The following LOXHD1 variants were observed in gnomAD, a reference collection of about 807,000 sequenced individuals.
LOXHD1 encodes lipoxygenase homology PLAT domains 1.
Under a neutral mutation model 248.2 loss-of-function variants are expected in LOXHD1, and 205 were observed. The observed-to-expected ratio is 0.83, with a 90% CI of 0.74 to 0.93. The LOEUF is 0.93. LOXHD1 is among the 40% of genes least tolerant of loss of function. The pLI is 0.00. For synonymous variants in LOXHD1, 1,113 were observed against 1,162.8 expected (o/e 0.96, Z 0.87); for missense variants, 2,930 against 2,971.6 (o/e 0.99, Z 0.33).
intron 6 of LOXHD1, among the ~76,000 whole-genome samples, chr18:46,604,563 A>G: frequency 6.6e-6 from 1 of 152,222 alleles, no homozygotes; most frequent in East Asian, 1.9e-4. Flanking sequence ...CTGGATTTGC[A>G]AACTGTGACA....
chr18:46,593,458 T>C, intron 10 of LOXHD1, 142 bp downstream of exon 10: 1 of 850,926 alleles, frequency 1.2e-6, no homozygotes, highest in Non-Finnish European at 1.8e-6. Flanking sequence ...TTGTCTCCCT[T>C]TGCAGGGACC....
rs2144084701 is a variant in LOXHD1 at position 46,518,176 on chromosome 18, G to C, written c.5352C>G (p.Gly1784=). ...GCATCTCCTCTGTGCTCCCGTTGATGCCGTAGAGGGTCATGAAGATGTTGG... is the reference window on the plus strand; with the variant it reads ...GCATCTCCTCTGTGCTCCCGTTGATCCCGTAGAGGGTCATGAAGATGTTGG... ...TDSNIFMTLY[G]INGSTEEMQL... Residue 1784 remains glycine (G), a synonymous_variant, in exon 34 of 41, where the codon GGC becomes GGG. Coordinates refer to ENST00000642948, the MANE Select transcript of LOXHD1 (RefSeq NM_001384474.1). 1 of 1,551,650 alleles carries C rather than the reference G, an allele frequency of 6.4e-7. No homozygotes were observed. Among genetic ancestry groups the C allele is most frequent in the Non-Finnish European group, 8.7e-7 (1 of 1,146,984 alleles).
In LOXHD1 at chr18:46,524,869, T is replaced by C; in HGVS notation, c.4579A>G (p.Ile1527Val). The C allele has an allele frequency of 1.3e-6, 2 of 1,551,720 alleles. No individual in the cohort carries two copies. Among genetic ancestry groups the C allele is most frequent in the Non-Finnish European group, 1.7e-6 (2 of 1,147,000 alleles). Reference protein sequence around the residue: ...EAADLGVIYKIKLRHDNSKWC... With the variant: ...EAADLGVIYKVKLRHDNSKWC... ...TTGGAGTTGTCATGGCGGAGCTTGA[T>C]CTTGTAGATGACGCCTAGGTCAGCG... The change falls in exon 30 of 41, where the codon ATC becomes GTC. Residue 1527 changes from isoleucine (I) to valine (V), a missense_variant. Coordinates refer to ENST00000642948, the MANE Select transcript of LOXHD1 (RefSeq NM_001384474.1).
chr18:46,579,882 T>C (rs2037930934), intron 12 of LOXHD1, 98 bp from the exon 13 acceptor site: 2 of 1,399,170 alleles, frequency 1.4e-6, no homozygotes, highest in Non-Finnish European at 1.9e-6. Flanking sequence ...CTCCTCTCCT[T>C]CTAGTTCTCA....
intron 25 of LOXHD1, among the ~76,000 whole-genome samples, chr18:46,540,663 T>C (rs1347552001): frequency 6.9e-6 from 1 of 144,972 alleles, no homozygotes; most frequent in African/African-American, 2.5e-5. Flanking sequence ...TCTTTTTTTT[T>C]TTTTTTTTTT....
At chr18:46,490,695 G>A (rs1031903742) in intron 37 of LOXHD1, among the ~76,000 whole-genome samples, 3 of 152,120 alleles carry the variant, frequency 2.0e-5, no homozygotes, top group Non-Finnish European at 4.4e-5. Context: ...GGCTGGTCTC[G>A]AACTCCCGAA....
At chr18:46,557,272 C>A in intron 21 of LOXHD1, 84 bp downstream of exon 21, 3 of 1,518,912 alleles carry the variant, frequency 2.0e-6, no homozygotes, top group Non-Finnish European at 2.7e-6. Context: ...GGCCCACCCC[C>A]AGTCTTCTTC....
chr18:46,499,779 T>C (rs1168244083), intron 37 of LOXHD1, among the ~76,000 whole-genome samples: 1 of 152,172 alleles, frequency 6.6e-6, no homozygotes, highest in African/African-American at 2.4e-5. Context: ...CCCTATTACA[T>C]ACAGTGGCTT....
chr18:46,618,067 T>C (rs1294810026), intron 5 of LOXHD1, 125 bp downstream of exon 5: 2 of 649,020 alleles, frequency 3.1e-6, no homozygotes, highest in East Asian at 5.5e-5. Context: ...TCACAAGAAG[T>C]GAGATGCTCA....
At chr18:46,581,448 G>C (rs1201971633) in intron 12 of LOXHD1, among the ~76,000 whole-genome samples, 1 of 152,028 alleles carries the variant, frequency 6.6e-6, no homozygotes, top group Non-Finnish European at 1.5e-5. Flanking sequence ...GGAAATCAAT[G>C]GTTCATTTGA....
intron 34 of LOXHD1, among the ~76,000 whole-genome samples, chr18:46,514,454 CA>C (rs1160774388): frequency 6.6e-6 from 1 of 152,208 alleles, no homozygotes; most frequent in Admixed American, 6.5e-5. Flanking sequence ...ATGAAGTCCC[CA>C]AAGATAAGCC....
chr18:46,638,808 G>A (rs918767687), intron 4 of LOXHD1, among the ~76,000 whole-genome samples: 6 of 152,244 alleles, frequency 3.9e-5, no homozygotes, highest in African/African-American at 1.4e-4. Flanking sequence ...GGTGGAGCTT[G>A]GAGTACACGC....
Position 46,577,862 on chromosome 18 carries a change from G to A in LOXHD1, c.1815C>T (p.Asp605=), listed in dbSNP as rs201388780. The stretch of plus-strand genomic sequence containing the variant: ...TGGTGACAGACTCGATAGTGAACTC[G>A]TCAGCCTTGTGGGGGGAAACCACAA... The part of the protein sequence containing the change: ...NTDLFEKGNA[D]EFTIESVTMR... Residue 605 remains aspartate (D), a synonymous_variant, in exon 14 of 41, where the codon GAC becomes GAT. Coordinates refer to ENST00000642948, the MANE Select transcript of LOXHD1 (RefSeq NM_001384474.1). 5.4e-4 allele frequency: 834 copies of A among 1,551,510 alleles called. No individual in the cohort carries two copies. Among genetic ancestry groups the A allele is most frequent in the Middle Eastern group, 1.5e-3 (9 of 5,992 alleles).
chr18:46,484,883 A>C (rs1198715432), intron 39 of LOXHD1, 136 bp downstream of exon 39: 1 of 1,089,046 alleles, frequency 9.2e-7, no homozygotes, highest in Non-Finnish European at 1.3e-6. Context: ...CAGGATTGGC[A>C]CACAGTAGGT....
At chr18:46,588,955 A>G (rs891175109) in intron 12 of LOXHD1, among the ~76,000 whole-genome samples, 2 of 152,134 alleles carry the variant, frequency 1.3e-5, no homozygotes, top group Non-Finnish European at 2.9e-5. Flanking sequence ...AGGGTTGGGC[A>G]TGGGTTCAAA....
At chr18:46,565,294 C>T (rs1004858312) in intron 17 of LOXHD1, among the ~76,000 whole-genome samples, 1 of 151,964 alleles carries the variant, frequency 6.6e-6, no homozygotes, top group Non-Finnish European at 1.5e-5. Flanking sequence ...AAGGGACATT[C>T]TCTGTGCCAG....
rs1006329495 is a variant in LOXHD1 at position 46,579,648 on chromosome 18, G to C, written c.1791C>G (p.Asp597Glu). ...AACTTACATTGCCCTTTTCAAACAG[G>C]TCTGTGTTATTCCTGCAGTTGTAGA... ...RLLYNCRNNT[D>E]LFEKGNADEF... The change falls in exon 13 of 41, where the codon GAC becomes GAG. Residue 597 changes from aspartate (D) to glutamate (E), a missense_variant. Transcript: ENST00000642948. The C allele has an allele frequency of 2.3e-5, 36 of 1,551,574 alleles. No individual in the cohort carries two copies. In the Admixed American group the frequency reaches 2.7e-4, roughly 12 times the overall value.
rs569600767 is a variant in LOXHD1 at position 46,546,926 on chromosome 18, G to T, written c.3483C>A (p.Asn1161Lys). ...GCTCCAGGGCCAGGTTGTCGAGGGG[G>T]TTGTTGTCACCGCCTCCCCTACCCT... is the stretch of plus-strand genomic sequence containing the variant. ...SEEGRGGGDN[N>K]PLDNLALEQK... Residue 1161 changes from asparagine to lysine, a missense_variant, in exon 22 of 41, where the codon AAC becomes AAA. By Grantham distance (94) the Asn-to-Lys change is moderately conservative. Coordinates refer to ENST00000642948, the MANE Select transcript of LOXHD1 (RefSeq NM_001384474.1). 2 of 1,551,512 alleles carry T rather than the reference G, an allele frequency of 1.3e-6. No individual in the cohort carries two copies. The highest frequency in any genetic ancestry group is 3.9e-5 in the Admixed American group (2 of 51,000).
At chr18:46,531,709 G>C (rs551578671) in intron 28 of LOXHD1, among the ~76,000 whole-genome samples, 1 of 151,706 alleles carries the variant, frequency 6.6e-6, no homozygotes, top group African/African-American at 2.4e-5. Flanking sequence ...CAGGCCACCC[G>C]GTGCATCCAT....
Sources: allele counts gnomAD v4.1 joint callset (sites outside exome capture counted in the v4.1 genomes callset), GRCh38; gene constraint gnomAD v4.1.1; transcripts MANE v1.5; gene names NCBI Gene and HGNC (gene_info 2026-07-23, HGNC 2026-07-21).